The following NPSR1 variants were observed in gnomAD, a reference collection of about 807,000 sequenced individuals.
The protein encoded by NPSR1 is neuropeptide S receptor.
A neutral mutation model predicts 46.9 loss-of-function variants in NPSR1; 48 were observed. The observed-to-expected ratio is 1.02, with a 90% CI of 0.81 to 1.30. The LOEUF (loss-of-function observed/expected upper bound fraction) is 1.30. Among genes scored for constraint, NPSR1 ranks in the 50% most tolerant of loss-of-function variants. The probability of loss-of-function intolerance (pLI) is 0.00; values close to 1 mark genes in which losing one functional copy is unlikely to be tolerated. For synonymous variants in NPSR1, 176 were observed against 168.1 expected, an observed-to-expected ratio of 1.05 and a Z score of -0.36; for missense variants, 450 against 449.5, an observed-to-expected ratio of 1.00 and a Z score of -0.01.
chr7:34,765,773 C>A (rs1786399037), intron 2 of NPSR1, among the ~76,000 whole-genome samples: 1 of 152,146 alleles, frequency 6.6e-6, no homozygotes, highest in Admixed American at 6.5e-5. Flanking sequence ...ATCTGGAGGC[C>A]ATTATCCTAA....
intron 1 of NPSR1, among the ~76,000 whole-genome samples, chr7:34,660,680 T>C (rs1267126071): frequency 1.3e-5 from 2 of 152,254 alleles, no homozygotes; most frequent in Admixed American, 6.5e-5. Context: ...CCAAGAGTCA[T>C]AGCAAGACTC....
At chr7:34,767,166 ATAGTT>A (rs1443680148) in intron 2 of NPSR1, among the ~76,000 whole-genome samples, 3 of 152,194 alleles carry the variant, frequency 2.0e-5, no homozygotes, top group Non-Finnish European at 4.4e-5. Flanking sequence ...AAATAATTCT[ATAGTT>A]TAGTTAACAG....
intron 2 of NPSR1, among the ~76,000 whole-genome samples, chr7:34,705,335 G>A (rs1324693774): frequency 1.3e-5 from 2 of 151,738 alleles, no homozygotes; most frequent in African/African-American, 2.4e-5. Flanking sequence ...GCTGAGGTGG[G>A]AGGATCGCTT....
intron 2 of NPSR1, among the ~76,000 whole-genome samples, chr7:34,733,507 A>T (rs1158148732): frequency 6.6e-6 from 1 of 152,178 alleles, no homozygotes; most frequent in Admixed American, 6.5e-5. Flanking sequence ...CCTATCCTGC[A>T]AAATAAAAGT....
At chr7:34,869,818 G>A (rs1791407941) in intron 8 of NPSR1, among the ~76,000 whole-genome samples, 1 of 151,758 alleles carries the variant, frequency 6.6e-6, no homozygotes, top group African/African-American at 2.4e-5. Context: ...TGCATTCAGT[G>A]GTGTGGGCAC....
At chr7:34,724,109 CA>C (rs1784013162) in intron 2 of NPSR1, among the ~76,000 whole-genome samples, 1 of 152,256 alleles carries the variant, frequency 6.6e-6, no homozygotes, top group South Asian at 2.1e-4. Context: ...CAAAATCACC[CA>C]AACCTGAATT....
Position 34,789,466 on chromosome 7 carries a change from G to A in NPSR1, c.384+10901G>A, listed in dbSNP as rs146618497. Among the ~76,000 whole-genome samples, 65 of 147,926 alleles carry A rather than the reference G, an allele frequency of 4.4e-4. 1 individual carries two copies. In the East Asian group the frequency reaches 0.012, roughly 28 times the overall value. On this transcript the variant is annotated intron_variant, in intron 3 of 8. Coordinates refer to ENST00000360581, the MANE Select transcript of NPSR1 (RefSeq NM_207172.2). ...CTGAGACATTACAACTGATACCATA[G>A]AAACAAAAAGCATCATAACAAGCGA...
chr7:34,849,474 A>G lies in NPSR1; in HGVS notation c.1026-91A>G. On this transcript the variant is annotated intron_variant, in intron 8 of 8. Coordinates refer to ENST00000360581, the MANE Select transcript of NPSR1 (RefSeq NM_207172.2). ...GGCACAGTTGTCTGACATTTAATAC[A>G]TTTTTCATAACTATTGTCTCTTAAC... 3 of 1,604,016 alleles carry G rather than the reference A, an allele frequency of 1.9e-6. No homozygotes were observed. In the South Asian group the frequency reaches 3.3e-5, roughly 18 times the overall value.
chr7:34,779,477 T>C (rs2128737263), intron 3 of NPSR1: 1 of 592,664 alleles, frequency 1.7e-6, no homozygotes, highest in Non-Finnish European at 2.5e-6. Flanking sequence ...TAGACTCTTT[T>C]AGGATCTTTG....
rs56324222 is a variant in NPSR1 at position 34,870,867 on chromosome 7, CATGGATGGATGG to C, written c.1026-7185_1026-7174del. ...AGCTTAATCAGGAAGAAGTGGGTAA[CATGGATGGATGG>C]ATGGATGGATGGATGGATGGATGAA... On this transcript the variant is annotated intron_variant, in intron 8 of 8. Coordinates refer to the NPSR1 transcript ENST00000359791. Among the ~76,000 whole-genome samples the C allele has an allele frequency of 7.5e-5, 11 of 145,756 alleles. 1 individual carries two copies. The highest frequency in any genetic ancestry group is 2.7e-4 in the Admixed American group (4 of 14,876).
chr7:34,711,970 A>G (rs1404298784), intron 2 of NPSR1, among the ~76,000 whole-genome samples: 2 of 152,238 alleles, frequency 1.3e-5, no homozygotes, highest in Non-Finnish European at 2.9e-5. Flanking sequence ...GGTGGGACCC[A>G]GGTATCCCCA....
intron 2 of NPSR1, chr7:34,685,712 G>A (rs925588969): frequency 7.0e-6 from 3 of 427,122 alleles, no homozygotes; most frequent in African/African-American, 4.2e-5. Flanking sequence ...GCCATACATT[G>A]TTAGTAACCT....
chr7:34,716,128 T>C (rs910942442), intron 2 of NPSR1, among the ~76,000 whole-genome samples: 2 of 152,158 alleles, frequency 1.3e-5, no homozygotes, highest in Non-Finnish European at 2.9e-5. Flanking sequence ...GGGTGATCTA[T>C]GCCTCAGTGC....
At chr7:34,723,629 T>C (rs1783982906) in intron 2 of NPSR1, among the ~76,000 whole-genome samples, 1 of 152,138 alleles carries the variant, frequency 6.6e-6, no homozygotes, top group Non-Finnish European at 1.5e-5. Context: ...CCATTTCAAA[T>C]CTCTATTGAA....
At chr7:34,727,670 G>A (rs1339417846) in intron 2 of NPSR1, among the ~76,000 whole-genome samples, 1 of 152,214 alleles carries the variant, frequency 6.6e-6, no homozygotes, top group African/African-American at 2.4e-5. Flanking sequence ...CTGAATCCAT[G>A]ACATCAGTAA....
chr7:34,792,569 ATATG>A (rs1279844407), intron 3 of NPSR1, among the ~76,000 whole-genome samples: 3 of 110,278 alleles, frequency 2.7e-5, no homozygotes, highest in East Asian at 2.5e-4. Context: ...ACATATATAT[ATATG>A]TGTGTGTGTA....
At chr7:34,852,292 T>G (rs898168162), downstream of NPSR1, among the ~76,000 whole-genome samples, 1 of 149,820 alleles carries the variant, frequency 6.7e-6, no homozygotes, top group African/African-American at 2.5e-5. Flanking sequence ...AGAGCGAGAA[T>G]CCGTCTCAAG....
At chr7:34,716,049 G>A (rs748117437) in intron 2 of NPSR1, among the ~76,000 whole-genome samples, 5 of 151,664 alleles carry the variant, frequency 3.3e-5, no homozygotes, top group Admixed American at 6.6e-5. Flanking sequence ...GTGGCCTCCA[G>A]AGCTGAGTCC....
chr7:34,836,649 A>G (rs1395132013), intron 6 of NPSR1, among the ~76,000 whole-genome samples: 1 of 151,220 alleles, frequency 6.6e-6, no homozygotes, highest in East Asian at 1.9e-4. Context: ...AAGAAAGAGA[A>G]AGAAAGACAG....
Sources: allele counts gnomAD v4.1 joint callset (sites outside exome capture counted in the v4.1 genomes callset), GRCh38; gene constraint gnomAD v4.1.1; transcripts MANE v1.5; gene names NCBI Gene and HGNC (gene_info 2026-07-23, HGNC 2026-07-21).